Variants in PDE1A observed in about 807,000 individuals in gnomAD.
PDE1A encodes the protein dual specificity calcium/calmodulin-dependent 3',5'-cyclic nucleotide phosphodiesterase 1A.
A neutral mutation model predicts 61.7 loss-of-function variants in PDE1A; 35 were observed. That is an observed-to-expected ratio of 0.57 (90% CI 0.43 to 0.75). The LOEUF is 0.75. Ranked by LOEUF, PDE1A falls within the 30% of genes least tolerant of loss-of-function variation. PDE1A has a pLI of 0.00. For missense variants in PDE1A, 597 were observed against 630.6 expected (o/e 0.95, Z 0.57); for synonymous variants, 232 against 213.2 (o/e 1.09, Z -0.77).
At chr2:182,211,639 T>G (rs1687610512) in intron 7 of PDE1A, among the ~76,000 whole-genome samples, 1 of 152,232 alleles carries the variant, frequency 6.6e-6, no homozygotes, top group Non-Finnish European at 1.5e-5. Flanking sequence ...TGAGTCTATC[T>G]ATGAACATGA....
At chr2:182,278,682 C>G (rs1693606103) in intron 1 of PDE1A, among the ~76,000 whole-genome samples, 1 of 151,788 alleles carries the variant, frequency 6.6e-6, no homozygotes, top group Non-Finnish European at 1.5e-5. Context: ...TCATGTTGGT[C>G]CAAATGTAAG....
chr2:182,454,133 C>T (rs1574697298), intron 2 of PDE1A, among the ~76,000 whole-genome samples: 2 of 152,224 alleles, frequency 1.3e-5, no homozygotes, highest in African/African-American at 4.8e-5. Context: ...AACAGACAAA[C>T]AGAGAGCCAA....
At chr2:182,173,494 C>T (rs961052666) in intron 13 of PDE1A, among the ~76,000 whole-genome samples, 4 of 151,728 alleles carry the variant, frequency 2.6e-5, no homozygotes, top group African/African-American at 4.8e-5. Flanking sequence ...TGATATAGAA[C>T]ATGATCTGAA....
At chr2:182,539,841 T>C in the PDE1A span, among the ~76,000 whole-genome samples, 1 of 152,196 alleles carries the variant, frequency 6.6e-6, no homozygotes, top group East Asian at 1.9e-4. Context: ...CATTGTCAGT[T>C]TTATGCAGAT....
At chr2:182,270,614 C>T (rs893039277) in intron 1 of PDE1A, among the ~76,000 whole-genome samples, 3 of 150,930 alleles carry the variant, frequency 2.0e-5, no homozygotes, top group Non-Finnish European at 1.5e-5. Context: ...TAACTATCAA[C>T]GTTCCCACTT....
At chr2:182,482,078 T>C (rs546015840) in intron 2 of PDE1A, among the ~76,000 whole-genome samples, 1 of 152,074 alleles carries the variant, frequency 6.6e-6, no homozygotes, top group East Asian at 1.9e-4. Context: ...AATTTACACA[T>C]TGTCACTATT....
chr2:182,340,410 G>A lies in PDE1A; in HGVS notation c.54-75996C>T, dbSNP rs186040226. On this transcript the variant is annotated intron_variant, in intron 1 of 13. Coordinates refer to ENST00000351439, the Ensembl canonical transcript of PDE1A. Reference sequence around the variant, plus strand: ...GAATAAAGCTTCTAAAGGCTATTTTGGGTTCCGACACCTCCTTTCTCATGT... The same window carrying A: ...GAATAAAGCTTCTAAAGGCTATTTTAGGTTCCGACACCTCCTTTCTCATGT... Among the ~76,000 whole-genome samples, 2 of 152,258 alleles carry A rather than the reference G, an allele frequency of 1.3e-5. 1 individual carries two copies. Among genetic ancestry groups the A allele is most frequent in the East Asian group, 3.9e-4 (2 of 5,170 alleles).
At chr2:182,418,678 T>A in intron 1 of PDE1A, among the ~76,000 whole-genome samples, 1 of 152,216 alleles carries the variant, frequency 6.6e-6, no homozygotes, top group East Asian at 1.9e-4. Flanking sequence ...CTTCCTCATA[T>A]CTACACCCTT....
At chr2:182,573,884 T>TATATACATATGTATATATATTA in the PDE1A span, among the ~76,000 whole-genome samples, 1 of 124,482 alleles carries the variant, frequency 8.0e-6, no homozygotes, top group African/African-American at 5.0e-5. Context: ...TATATATTAA[T>TATATACATATGTATATATATTA]ATATATACAT....
rs1035129954 is a variant in PDE1A, at chr2:182,451,398, A to T, written c.101+70878T>A. Among the ~76,000 whole-genome samples the T allele has an allele frequency of 6.6e-5, 10 of 151,374 alleles. 4 individuals are homozygous for T. The highest frequency in any genetic ancestry group is 6.3e-4 in the South Asian group (3 of 4,774). ...CGTCTCAAAAAAAAAAAAAAAAAAA[A>T]ATATTTTAACTATACAAATGCATAA... On this transcript the variant is annotated intron_variant, in intron 2 of 14. Transcript: ENST00000410103.
At chr2:182,184,198 T>C (rs1685020922) in intron 13 of PDE1A, among the ~76,000 whole-genome samples, 1 of 151,832 alleles carries the variant, frequency 6.6e-6, no homozygotes, top group East Asian at 1.9e-4. Flanking sequence ...GAAAGCTTTC[T>C]AAATTTGAAG....
chr2:182,551,756 T>C, the PDE1A span, among the ~76,000 whole-genome samples: 1 of 152,132 alleles, frequency 6.6e-6, no homozygotes, highest in Non-Finnish European at 1.5e-5. Context: ...CAGGCTGAAA[T>C]GGTGGCAAGC....
At chr2:182,320,954 C>T (rs1696656172) in intron 1 of PDE1A, among the ~76,000 whole-genome samples, 1 of 152,100 alleles carries the variant, frequency 6.6e-6, no homozygotes, top group African/African-American at 2.4e-5. Context: ...AGTAGGTATA[C>T]AATATGTAAT....
intron 13 of PDE1A, among the ~76,000 whole-genome samples, chr2:182,148,337 A>G (rs888500678): frequency 2.0e-5 from 3 of 152,088 alleles, no homozygotes; most frequent in Non-Finnish European, 2.9e-5. Context: ...CTCTCCCTCC[A>G]CTGGCTACTT....
intron 7 of PDE1A, among the ~76,000 whole-genome samples, chr2:182,220,254 A>C (rs540904659): frequency 6.6e-6 from 1 of 152,196 alleles, no homozygotes; most frequent in South Asian, 2.1e-4. Context: ...TTGAAGAGAT[A>C]ATTGAAGAGA....
At chr2:182,390,394 T>C (rs1411119166) in intron 1 of PDE1A, among the ~76,000 whole-genome samples, 1 of 152,218 alleles carries the variant, frequency 6.6e-6, no homozygotes, top group Non-Finnish European at 1.5e-5. Context: ...TTCTGAATCA[T>C]CACTTTTGAG....
chr2:182,197,382 G>A lies in PDE1A; in HGVS notation c.1125+4057C>T, dbSNP rs551916966. Reference sequence around the variant, plus strand: ...CATTTTCTTAGTAGTGCCTTTGGAAGATCAGAAGTTTTGAGTTTTGCTTTT... The same window carrying A: ...CATTTTCTTAGTAGTGCCTTTGGAAAATCAGAAGTTTTGAGTTTTGCTTTT... On this transcript the variant is annotated intron_variant, in intron 10 of 13. Transcript: ENST00000351439. 5.3e-5 allele frequency among the ~76,000 whole-genome samples: 8 copies of A among 151,554 alleles called. No individual in the cohort carries two copies. The East Asian group carries it at 1.6e-3, about 30-fold the overall frequency.
chr2:182,644,555 T>C, the PDE1A span, among the ~76,000 whole-genome samples: 1 of 152,230 alleles, frequency 6.6e-6, no homozygotes, highest in African/African-American at 2.4e-5. Context: ...GTACAATCCA[T>C]GGTGTGGAAT....
chr2:182,292,217 T>A (rs750579212), intron 1 of PDE1A, among the ~76,000 whole-genome samples: 2 of 152,020 alleles, frequency 1.3e-5, no homozygotes, highest in Non-Finnish European at 2.9e-5. Flanking sequence ...TCTCTACTAA[T>A]CCTATCATCT....
Sources: gnomAD v4.1 joint callset for allele counts (sites outside exome capture counted in the v4.1 genomes callset) on GRCh38, gnomAD v4.1.1 for gene constraint, MANE v1.5 for transcripts, NCBI Gene and HGNC (gene_info 2026-07-23, HGNC 2026-07-21) for gene names.